The following LBR variants were observed in gnomAD, a reference collection of about 807,000 sequenced individuals.
LBR encodes the protein lamin B receptor.
In LBR, 28 loss-of-function variants were observed where a neutral mutation model predicts 74.3. That is an observed-to-expected ratio of 0.38 (90% CI 0.28 to 0.52). LBR has a LOEUF of 0.52. Ranked by LOEUF, LBR falls within the 20% of genes least tolerant of loss-of-function variation. The probability of loss-of-function intolerance (pLI) is 0.89; values close to 1 mark genes in which losing one functional copy is unlikely to be tolerated. For synonymous variants in LBR, 228 were observed against 269.3 expected, an observed-to-expected ratio of 0.85 and a Z score of 1.50; for missense variants, 717 against 760.3, an observed-to-expected ratio of 0.94 and a Z score of 0.67.
intron 13 of LBR, among the ~76,000 whole-genome samples, 170 bp downstream of exon 13, chr1:225,404,234 C>G (rs1020057055): frequency 6.6e-6 from 1 of 152,080 alleles, no homozygotes; most frequent in Non-Finnish European, 1.5e-5. Flanking sequence ...TGTGAATTCC[C>G]AATTCCCCTC....
At chr1:225,414,356 A>T (rs1160713802) in intron 7 of LBR, 1 of 341,800 alleles carries the variant, frequency 2.9e-6, no homozygotes, top group African/African-American at 2.1e-5. Flanking sequence ...GAAGAATTGA[A>T]AGGATAAAAA....
At chr1:225,425,786 A>G (rs939188144) in intron 1 of LBR, among the ~76,000 whole-genome samples, 1 of 152,158 alleles carries the variant, frequency 6.6e-6, no homozygotes, top group Admixed American at 6.5e-5. Flanking sequence ...GAGTTAAAAG[A>G]AGGCAATTAT....
chr1:225,408,117 G>T (rs1364125840), intron 10 of LBR, among the ~76,000 whole-genome samples: 1 of 152,090 alleles, frequency 6.6e-6, no homozygotes, highest in Non-Finnish European at 1.5e-5. Flanking sequence ...TAGAATACTA[G>T]AACTTAGAAC....
chr1:225,427,561 G>A (rs2096142285), intron 1 of LBR: 2 of 152,004 alleles, frequency 1.3e-5, no homozygotes, highest in South Asian at 4.1e-4. Flanking sequence ...CTGTCAGACG[G>A]GCGCTCGGAG....
Position 225,411,539 on chromosome 1 carries a change from G to A in LBR, c.1085-99C>T, listed in dbSNP as rs1257748345. The A allele has an allele frequency of 1.5e-5, 13 of 863,166 alleles. 1 individual carries two copies. The highest frequency in any genetic ancestry group is 2.4e-5 in the Non-Finnish European group (12 of 504,192). The allele number at this position is 863,166 out of a possible 1,614,324, so 53.5% of individuals were successfully genotyped here. On this transcript the variant is annotated intron_variant, in intron 8 of 13. Coordinates refer to ENST00000272163, the MANE Select transcript of LBR (RefSeq NM_002296.4). Reference sequence around the variant, plus strand: ...CACTATCCAGGCTCACAATTCCACTGCCTGCAAGACCCTGAGCAGGGCTCT... The same window carrying A: ...CACTATCCAGGCTCACAATTCCACTACCTGCAAGACCCTGAGCAGGGCTCT...
chr1:225,426,495 A>G (rs967748165), intron 1 of LBR, among the ~76,000 whole-genome samples: 2 of 152,262 alleles, frequency 1.3e-5, no homozygotes, highest in Non-Finnish European at 2.9e-5. Context: ...GTTTTTCTCT[A>G]TTAAGCCAGA....
At chr1:225,403,592 ATAAT>A (rs955038158) in intron 13 of LBR, 129 bp from the exon 14 acceptor site, 8 of 717,072 alleles carry the variant, frequency 1.1e-5, no homozygotes, top group Middle Eastern at 3.6e-4. Flanking sequence ...AATGATGAGA[ATAAT>A]TAAACAAGTC....
At chr1:225,421,130 T>C (rs893523466) in intron 3 of LBR, among the ~76,000 whole-genome samples, 1 of 152,220 alleles carries the variant, frequency 6.6e-6, no homozygotes, top group African/African-American at 2.4e-5. Context: ...TGAAAGGTTA[T>C]CCCAATATTT....
chr1:225,409,094 A>G (rs2096098854), intron 10 of LBR, among the ~76,000 whole-genome samples: 1 of 152,264 alleles, frequency 6.6e-6, no homozygotes, highest in African/African-American at 2.4e-5. Context: ...AAGTGCATTT[A>G]CAAAACAGTT....
chr1:225,425,125 A>G (rs1409867071), intron 1 of LBR, among the ~76,000 whole-genome samples: 4 of 152,100 alleles, frequency 2.6e-5, no homozygotes, highest in Admixed American at 6.5e-5. Context: ...TCCTGTTAAG[A>G]GCTGATGATA....
Position 225,423,920 on chromosome 1 carries a change from A to T in LBR, c.156T>A (p.Asn52Lys), listed in dbSNP as rs920973479. ...KDGTELELKE[N>K]DIKPLTSFRQ... ...CCAAAGGAGCTCTTACCTTAATATC[A>T]TTCTCTTTCAATTCAAGCTCTGTTC... The change falls in exon 2 of 14, where the codon AAT becomes AAA. Residue 52 changes from asparagine (N) to lysine (K), a missense_variant. By Grantham distance (94) the Asn-to-Lys change is moderately conservative. Transcript: ENST00000272163. 6.2e-7 allele frequency: 1 copy of T among 1,613,240 alleles called. No individual in the cohort carries two copies. The highest frequency in any genetic ancestry group is 1.3e-5 in the African/African-American group (1 of 74,902).
chr1:225,423,449 A>C (rs1293036219), intron 2 of LBR, among the ~76,000 whole-genome samples: 33 of 140,104 alleles, frequency 2.4e-4, no homozygotes, highest in South Asian at 4.5e-4. Flanking sequence ...CTCCCCTACC[A>C]CCCCCTTCCA....
intron 13 of LBR, 150 bp downstream of exon 13, chr1:225,404,254 A>C: frequency 2.1e-6 from 2 of 935,946 alleles, no homozygotes; most frequent in Non-Finnish European, 3.3e-6. Flanking sequence ...CAGAAGCCAG[A>C]GGAGCTTCTA....
intron 10 of LBR, 115 bp downstream of exon 10, chr1:225,410,176 C>T: frequency 6.6e-7 from 1 of 1,518,880 alleles, no homozygotes; most frequent in Non-Finnish European, 9.0e-7. Context: ...CTCAAGCAGC[C>T]TTGGAGGCAG....
chr1:225,417,257 C>T (rs2096119077), intron 6 of LBR, among the ~76,000 whole-genome samples: 1 of 152,156 alleles, frequency 6.6e-6, no homozygotes, highest in Admixed American at 6.6e-5. Context: ...ACCAGTAAAA[C>T]CGATCCTTTG....
At position 225,403,434 on chromosome 1, in the gene LBR, T is replaced by C. The variant is rs2096085242; in HGVS notation, c.1717A>G (p.Ile573Val). The change falls in exon 14 of 14, where the codon ATA (isoleucine) becomes GTA (valine). Residue 573 changes from isoleucine (I) to valine (V), a missense_variant. Coordinates refer to ENST00000272163, the MANE Select transcript of LBR (RefSeq NM_002296.4). Reference sequence around the variant, plus strand: ...ACAAGCAACATGGTGAAATAAATTATGTAGAAATAAGGCAGAATGTGGTTA... The same window carrying C: ...ACAAGCAACATGGTGAAATAAATTACGTAGAAATAAGGCAGAATGTGGTTA... ...GFNHILPYFY[I>V]IYFTMLLVHR... 1.2e-6 allele frequency: 2 copies of C among 1,612,778 alleles called. No individual in the cohort carries two copies. Among genetic ancestry groups the C allele is most frequent in the Non-Finnish European group, 1.7e-6 (2 of 1,178,844 alleles).
chr1:225,415,607 C>A (rs1434234308), intron 6 of LBR, among the ~76,000 whole-genome samples: 1 of 152,180 alleles, frequency 6.6e-6, no homozygotes, highest in Admixed American at 6.5e-5. Context: ...ACGCTCCCTG[C>A]CACACTCCTG....
intron 1 of LBR, among the ~76,000 whole-genome samples, chr1:225,426,738 C>G (rs1332040791): frequency 2.0e-5 from 3 of 152,216 alleles, no homozygotes; most frequent in Admixed American, 2.0e-4. Context: ...AGGCAAAATG[C>G]AAACAGGAAC....
intron 1 of LBR, among the ~76,000 whole-genome samples, chr1:225,424,685 G>A (rs927152581): frequency 1.3e-5 from 2 of 152,106 alleles, no homozygotes; most frequent in African/African-American, 2.4e-5. Context: ...AGCCAGGGTG[G>A]TTGCCTTCAT....
Sources: allele counts gnomAD v4.1 joint callset (sites outside exome capture counted in the v4.1 genomes callset), GRCh38; gene constraint gnomAD v4.1.1; transcripts MANE v1.5; gene names NCBI Gene and HGNC (gene_info 2026-07-23, HGNC 2026-07-21).